Variants in NCOR2 observed in about 807,000 individuals in gnomAD.
The protein encoded by NCOR2 is nuclear receptor corepressor 2.
A neutral mutation model predicts 262.9 loss-of-function variants in NCOR2; 81 were observed. The observed-to-expected ratio is 0.31, with a 90% confidence interval of 0.26 to 0.37. NCOR2 has a LOEUF of 0.37. Ranked by LOEUF, NCOR2 falls within the 10% of genes least tolerant of loss-of-function variation. The pLI is 1.00. For synonymous variants in NCOR2, 1,659 were observed against 1,559.3 expected (o/e 1.06, Z -1.51); for missense variants, 3,385 against 3,621.4 (o/e 0.93, Z 1.68).
intron 4 of NCOR2, among the ~76,000 whole-genome samples, chr12:124,468,197 T>C (rs111164517): frequency 0.031 from 248 of 7,890 alleles, no homozygotes; most frequent in Middle Eastern, 0.17. Flanking sequence ...CCCTCATCCT[T>C]ATCACCCCCC....
chr12:124,349,187 C>T (rs190069994), intron 28 of NCOR2, among the ~76,000 whole-genome samples: 360 of 152,290 alleles, frequency 2.4e-3, no homozygotes, highest in African/African-American at 8.2e-3. Flanking sequence ...CACTGCTCCC[C>T]GGACAGGCAG....
At chr12:124,408,019 G>GGCCT (rs1407965022) in intron 13 of NCOR2, among the ~76,000 whole-genome samples, 1 of 152,234 alleles carries the variant, frequency 6.6e-6, no homozygotes, top group Non-Finnish European at 1.5e-5. Flanking sequence ...GCAGTCAGGG[G>GGCCT]AGGCCATCTC....
Position 124,378,161 on chromosome 12 carries a change from A to G in NCOR2, c.2167+76T>C, listed in dbSNP as rs2136069074. 3 of 1,554,698 alleles carry G rather than the reference A, an allele frequency of 1.9e-6. No homozygotes were observed. The highest frequency in any genetic ancestry group is 2.6e-6 in the Non-Finnish European group (3 of 1,149,504). On this transcript the variant is annotated intron_variant, in intron 18 of 46. Coordinates refer to ENST00000405201, the Ensembl canonical transcript of NCOR2. This position sits in a 1 kb window ranked among gnomAD's most constrained non-coding sequence, Gnocchi z 4.2. Reference sequence around the variant, plus strand: ...ACTCAGGGGAGAGGAGGCTGCCGGGATCAGTTCCCGCTATGCCCTCCCTCA... The same window carrying G: ...ACTCAGGGGAGAGGAGGCTGCCGGGGTCAGTTCCCGCTATGCCCTCCCTCA...
chr12:124,334,275 C>T (rs2035675750), intron 41 of NCOR2, 149 bp downstream of exon 43: 1 of 559,418 alleles, frequency 1.8e-6, no homozygotes. Context: ...CTGTGACTCC[C>T]CCATCTCCTG....
At chr12:124,520,031 C>T (rs1431186982) in intron 1 of NCOR2, among the ~76,000 whole-genome samples, 1 of 152,220 alleles carries the variant, frequency 6.6e-6, no homozygotes, top group Non-Finnish European at 1.5e-5. Flanking sequence ...GTGACAGGGG[C>T]CCGTGGCCAC....
At chr12:124,342,974 T>A in intron 33 of NCOR2, 31 bp downstream of exon 35, 1 of 1,607,018 alleles carries the variant, frequency 6.2e-7, no homozygotes, top group Non-Finnish European at 8.5e-7. Flanking sequence ...TCAGCACCAC[T>A]GCAGGGTTCT....
At chr12:124,350,658 C>A in exon 28 of NCOR2, 1 of 1,613,886 alleles carries the variant, frequency 6.2e-7, no homozygotes, top group South Asian at 1.1e-5. Flanking sequence ...GTCCTCCCGG[C>A]CGCGGTCCAA....
At chr12:124,343,352 C>G in intron 32 of NCOR2, 126 bp from the exon 35 acceptor site, 1 of 700,884 alleles carries the variant, frequency 1.4e-6, no homozygotes, top group Non-Finnish European at 2.3e-6. Context: ...TTCTTCATTG[C>G]CTTAGTTCAC....
intron 22 of NCOR2, among the ~76,000 whole-genome samples, chr12:124,357,986 G>A (rs1285100160): frequency 1.9e-4 from 29 of 149,356 alleles, no homozygotes; most frequent in Non-Finnish European, 3.9e-4. Context: ...GTTGAAGGAG[G>A]TAACCTGTGG....
At chr12:124,340,519 A>G in intron 35 of NCOR2, 76 bp from the exon 38 acceptor site, 1 of 1,562,154 alleles carries the variant, frequency 6.4e-7, no homozygotes, top group East Asian at 2.3e-5. Flanking sequence ...GGTGGGAAAG[A>G]GAGCAGGGCT....
intron 16 of NCOR2, 102 bp downstream of exon 18, chr12:124,398,017 C>A: frequency 1.5e-6 from 2 of 1,378,804 alleles, no homozygotes; most frequent in Non-Finnish European, 2.1e-6. Context: ...TCACCACAGC[C>A]CCTGGCTCAA....
At chr12:124,356,946 G>T in intron 22 of NCOR2, 164 bp from the exon 25 acceptor site, 3 of 836,340 alleles carry the variant, frequency 3.6e-6, no homozygotes, top group South Asian at 2.8e-5. Flanking sequence ...CTGCCTGGGC[G>T]CTGCTCTGTA....
Position 124,457,151 on chromosome 12 carries a change from T to G in NCOR2, c.717A>C (p.Glu239Asp). 6.6e-7 allele frequency: 1 copy of G among 1,519,056 alleles called. No homozygotes were observed. Among genetic ancestry groups the G allele is most frequent in the Non-Finnish European group, 8.7e-7 (1 of 1,143,160 alleles). 94.1% of individuals were successfully genotyped at this position (1,519,056 alleles called of 1,614,324 possible). The stretch of plus-strand genomic sequence containing the variant: ...GGCCTTCCAGAATCCGATGTGCAGC[T>G]TCAGCCTTCTTCTGCAGGGTGATGG... The change falls in exon 6 of 47, where the codon GAA becomes GAC. Residue 239 changes from glutamate (E) to aspartate (D), a missense_variant. This residue lies in a region of NCOR2 where 515 missense variants were observed against 781.2 expected (regional missense o/e 0.66). Coordinates refer to ENST00000405201, the Ensembl canonical transcript of NCOR2. This position sits in a 1 kb window ranked among gnomAD's most constrained non-coding sequence, Gnocchi z 4.0.
chr12:124,562,989 G>A (rs1256639015), intron 1 of NCOR2, among the ~76,000 whole-genome samples: 1 of 152,182 alleles, frequency 6.6e-6, no homozygotes, highest in Non-Finnish European at 1.5e-5. Context: ...TGAGCAAACT[G>A]AGGCTCACAA....
intron 1 of NCOR2, among the ~76,000 whole-genome samples, chr12:124,506,346 T>C (rs1338284491): frequency 6.6e-6 from 1 of 151,184 alleles, no homozygotes; most frequent in Non-Finnish European, 1.5e-5. Context: ...GGAAGTGGCG[T>C]TGGTCGGAGC....
chr12:124,458,750 G>C (rs536681716), intron 5 of NCOR2, among the ~76,000 whole-genome samples: 15 of 152,338 alleles, frequency 9.8e-5, no homozygotes, highest in Non-Finnish European at 1.5e-4. Context: ...ACGGACAGAG[G>C]AAGCCAAGGG....
chr12:124,559,346 C>G (rs991821578), intron 1 of NCOR2, among the ~76,000 whole-genome samples: 1 of 152,210 alleles, frequency 6.6e-6, no homozygotes, highest in Non-Finnish European at 1.5e-5. Context: ...GCTGAGCCCC[C>G]CACCTCCAGG....
rs939147243 is a variant in NCOR2 at position 124,443,660 on chromosome 12, G to A, written c.816-5664C>T. On this transcript the variant is annotated intron_variant, in intron 7 of 46. Coordinates refer to ENST00000405201, the Ensembl canonical transcript of NCOR2. The surrounding 1 kb of genome is among the most constrained non-coding windows in gnomAD (Gnocchi z 4.4). ...TGGGGCTATAGGCACGTGCCACTAC[G>A]CCCAGCTAATTTTCGTATTTTTAGT... Among the ~76,000 whole-genome samples, 29 of 152,004 alleles carry A rather than the reference G, an allele frequency of 1.9e-4. No homozygotes were observed. The highest frequency in any genetic ancestry group is 1.7e-3 in the Admixed American group (26 of 15,274).
rs2046906259 is a variant in NCOR2, at chr12:124,472,976, C to G, written c.567G>C (p.Gln189His). 3.1e-6 allele frequency: 5 copies of G among 1,614,204 alleles called. No homozygotes were observed. Among genetic ancestry groups the G allele is most frequent in the Middle Eastern group, 1.6e-4 (1 of 6,062 alleles). The stretch of plus-strand genomic sequence containing the variant: ...CCTGCTTCTTCTTCAGCTTAGAGAT[C>G]TGCTGCTCTACCATGGTGATCTCTC... The change falls in exon 4 of 47, where the codon CAG becomes CAC. Residue 189 changes from glutamine (Q) to histidine (H), a missense_variant. Coordinates refer to ENST00000405201, the Ensembl canonical transcript of NCOR2.
Sources: gnomAD v4.1 joint callset for allele counts (sites outside exome capture counted in the v4.1 genomes callset) on GRCh38, gnomAD v4.1.1 for gene constraint, gnomAD v4.1.1 regional missense constraint, Gnocchi (gnomAD v3.1) non-coding constraint, MANE v1.5 for transcripts, NCBI Gene and HGNC (gene_info 2026-07-23, HGNC 2026-07-21) for gene names.